Variants in TRIM14 observed in about 807,000 individuals in gnomAD.
TRIM14 encodes the protein tripartite motif containing 14, also known as tripartite motif-containing protein 14.
A neutral mutation model predicts 44.5 loss-of-function variants in TRIM14; 28 were observed. The observed-to-expected ratio is 0.63, with a 90% CI of 0.47 to 0.86. TRIM14 has a LOEUF of 0.86. Ranked by LOEUF, TRIM14 falls within the 40% of genes least tolerant of loss-of-function variation. The pLI is 0.00. For synonymous variants in TRIM14, 299 were observed against 269.2 expected, an observed-to-expected ratio of 1.11 and a Z score of -1.08; for missense variants, 607 against 611.1, an observed-to-expected ratio of 0.99 and a Z score of 0.07.
chr9:98,051,980 T>TA, the TRIM14 span, among the ~76,000 whole-genome samples: 1 of 152,122 alleles, frequency 6.6e-6, no homozygotes, highest in African/African-American at 2.4e-5. Flanking sequence ...AAGAGCCAAG[T>TA]ATCCCTCCTA....
At chr9:98,083,402 C>CTT (rs1296753933), downstream of TRIM14, among the ~76,000 whole-genome samples, 2 of 152,226 alleles carry the variant, frequency 1.3e-5, no homozygotes, top group African/African-American at 2.4e-5. Flanking sequence ...ATGTCCTTTC[C>CTT]TTTAAGCCTT....
At chr9:98,046,344 A>T in the TRIM14 span, among the ~76,000 whole-genome samples, 1 of 152,222 alleles carries the variant, frequency 6.6e-6, no homozygotes, top group Non-Finnish European at 1.5e-5. Context: ...GGAACATTCC[A>T]AATGAATAAA....
In TRIM14 at chr9:98,087,726, T is replaced by C. The variant is rs1246397297; in HGVS notation, c.1073A>G (p.Asn358Ser). The C allele has an allele frequency of 3.1e-6, 5 of 1,589,842 alleles. No homozygotes were observed. Among genetic ancestry groups the C allele is most frequent in the South Asian group, 2.2e-5 (2 of 89,356 alleles). ...GCGCTTGAGGCACCAGGACTGGCGG[T>C]TGCAGCCCAGGCGGGCGGCGGCCGA... ...GASAAARLGC[N>S]RQSWCLKRYD... Residue 358 changes from asparagine to serine, a missense_variant, in exon 6 of 6, where the codon AAC becomes AGC. By Grantham distance (46) the Asn-to-Ser change is conservative. This residue lies in a region of TRIM14 where 356 missense variants were observed against 323.0 expected (regional missense o/e 1.10). Coordinates refer to ENST00000341469, the MANE Select transcript of TRIM14 (RefSeq NM_014788.4).
intron 2 of TRIM14, among the ~76,000 whole-genome samples, chr9:98,103,624 G>T (rs1388755125): frequency 6.6e-6 from 1 of 152,088 alleles, no homozygotes; most frequent in African/African-American, 2.4e-5. Context: ...GGATCACGAG[G>T]TCAGGAGATG....
At chr9:98,066,097 C>T (rs1488525363), downstream of TRIM14, among the ~76,000 whole-genome samples, 2 of 152,190 alleles carry the variant, frequency 1.3e-5, no homozygotes, top group Non-Finnish European at 2.9e-5. Flanking sequence ...TTCCCCAGGA[C>T]ACAGTTTTTC....
In TRIM14 at chr9:98,087,226, T is replaced by C; in HGVS notation, c.*244A>G. The C allele has an allele frequency of 1.3e-6, 1 of 773,800 alleles. No individual in the cohort carries two copies. The highest frequency in any genetic ancestry group is 2.4e-6 in the Non-Finnish European group (1 of 415,926). 47.9% of individuals were successfully genotyped at this position (773,800 alleles called of 1,614,324 possible). A position where few individuals can be genotyped will look rare whatever the true frequency, so the allele number is the denominator to read the frequency against. ...AACTGGATTAAAGTAGTGTAAGTGA[T>C]GGTGGGGTGAGGGTGCGGAGGTCTG... On this transcript the variant is annotated 3_prime_UTR_variant, in exon 6 of 6. Coordinates refer to ENST00000341469, the MANE Select transcript of TRIM14 (RefSeq NM_014788.4).
At chr9:98,059,097 T>C in the TRIM14 span, among the ~76,000 whole-genome samples, 3 of 151,258 alleles carry the variant, frequency 2.0e-5, no homozygotes, top group South Asian at 2.1e-4. Flanking sequence ...GATCTCGGCT[T>C]ACTGCAAGCT....
intron 5 of TRIM14, among the ~76,000 whole-genome samples, chr9:98,090,560 C>CT (rs56909266): frequency 0.086 from 10,691 of 124,144 alleles, 593 homozygotes; most frequent in Middle Eastern, 0.15. Flanking sequence ...GATTTGTGCA[C>CT]TTTTTTTTTT....
chr9:98,093,868 C>T (rs978961632), intron 4 of TRIM14, among the ~76,000 whole-genome samples: 2 of 152,132 alleles, frequency 1.3e-5, no homozygotes, highest in Non-Finnish European at 2.9e-5. Flanking sequence ...GCCTCAGCTT[C>T]CCGAGTAGCT....
chr9:98,078,432 C>T, intron 6 of TRIM14: 1 of 1,463,662 alleles, frequency 6.8e-7, no homozygotes, highest in South Asian at 1.3e-5. Flanking sequence ...TTCTAACAAA[C>T]ATGGCATACT....
intron 4 of TRIM14, chr9:98,092,563 T>C (rs1246934366): frequency 6.4e-6 from 2 of 314,252 alleles, no homozygotes; most frequent in East Asian, 2.0e-4. Flanking sequence ...TAGAGATCTG[T>C]GGGAAGCCCA....
Position 98,087,300 on chromosome 9 carries a change from A to G in TRIM14, c.*170T>C. ...TTTAGGGCCTGTTTGAAACTAGCCT[A>G]GGAGAGGAAACCTTCAAAGCACTGT... On this transcript the variant is annotated 3_prime_UTR_variant, in exon 6 of 6. Transcript: ENST00000341469. 1.9e-6 allele frequency: 2 copies of G among 1,059,230 alleles called. No homozygotes were observed. The highest frequency in any genetic ancestry group is 3.0e-6 in the Non-Finnish European group (2 of 673,776). The allele number at this position is 1,059,230 out of a possible 1,614,324, so 65.6% of individuals were successfully genotyped here.
chr9:98,062,777 GTTTTTTTTT>G, the TRIM14 span, among the ~76,000 whole-genome samples: 1 of 109,314 alleles, frequency 9.1e-6, no homozygotes, highest in Admixed American at 1.0e-4. Context: ...AGTTATTTCA[GTTTTTTTTT>G]TTTTTTTTTT....
At chr9:98,099,533 A>C (rs1188641070) in intron 3 of TRIM14, among the ~76,000 whole-genome samples, 3 of 151,542 alleles carry the variant, frequency 2.0e-5, no homozygotes, top group Non-Finnish European at 4.4e-5. Context: ...AGACAGACCT[A>C]GACAGACAGC....
At chr9:98,061,690 G>A in the TRIM14 span, among the ~76,000 whole-genome samples, 2 of 150,660 alleles carry the variant, frequency 1.3e-5, no homozygotes, top group Admixed American at 1.3e-4. Flanking sequence ...TGAGGCAGGA[G>A]AATCGCTTGA....
chr9:98,106,017 A>C (rs1436493363), intron 2 of TRIM14, among the ~76,000 whole-genome samples: 4 of 152,236 alleles, frequency 2.6e-5, no homozygotes, highest in Admixed American at 2.0e-4. Context: ...ACTGAAAAAT[A>C]ATATGAAAAT....
the TRIM14 span, among the ~76,000 whole-genome samples, chr9:98,053,267 G>T: frequency 6.6e-6 from 1 of 152,280 alleles, no homozygotes; most frequent in African/African-American, 2.4e-5. Context: ...AATTTTTAGG[G>T]CTACCTATGA....
intron 1 of TRIM14, chr9:98,116,049 C>G (rs1827040209): frequency 6.6e-6 from 1 of 151,918 alleles, no homozygotes; most frequent in East Asian, 1.9e-4. Flanking sequence ...AAAGGGGGCC[C>G]AGCACTTTGG....
In TRIM14 at chr9:98,087,817, C is replaced by T. The variant is rs746766293; in HGVS notation, c.982G>A (p.Val328Met). The change falls in exon 6 of 6, where the codon GTG becomes ATG. Residue 328 changes from valine (V) to methionine (M), a missense_variant. Val to Met is a conservative substitution (Grantham distance 21, BLOSUM62 1). Coordinates refer to ENST00000341469, the MANE Select transcript of TRIM14 (RefSeq NM_014788.4). ...ATGRHYWEVD[V>M]QEAGAGWWVG... ...CACCAGCCGGCGCCCGCCTCCTGCACGTCAACCTCCCAGTAGTGGCGGCCG... is the reference window on the plus strand; with the variant it reads ...CACCAGCCGGCGCCCGCCTCCTGCATGTCAACCTCCCAGTAGTGGCGGCCG... 15 of 1,529,344 alleles carry T rather than the reference C, an allele frequency of 9.8e-6. No homozygotes were observed. The African/African-American group carries it at 1.9e-4, about 19-fold the overall frequency. 94.7% of individuals were successfully genotyped at this position (1,529,344 alleles called of 1,614,324 possible).
Sources: gnomAD v4.1 joint callset for allele counts (sites outside exome capture counted in the v4.1 genomes callset) on GRCh38, gnomAD v4.1.1 for gene constraint, gnomAD v4.1.1 regional missense constraint, MANE v1.5 for transcripts, NCBI Gene and HGNC (gene_info 2026-07-23, HGNC 2026-07-21) for gene names.